The following NME8 variants were observed in gnomAD, a reference collection of about 807,000 sequenced individuals.
NME8 encodes the protein protein NME8.
NME8 carries 72 observed loss-of-function variants against 82.3 expected under a neutral mutation model. That is an observed-to-expected ratio of 0.87 (90% CI 0.72 to 1.06). The LOEUF (loss-of-function observed/expected upper bound fraction) is 1.06, where lower values mean the gene tolerates loss of function less well. Ranked by LOEUF, NME8 falls within the 50% of genes least tolerant of loss-of-function variation. The probability of loss-of-function intolerance (pLI) is 0.00; values close to 1 mark genes in which losing one functional copy is unlikely to be tolerated. For missense variants in NME8, 712 were observed against 685.4 expected, an observed-to-expected ratio of 1.04 and a Z score of -0.43; for synonymous variants, 267 against 228.5, an observed-to-expected ratio of 1.17 and a Z score of -1.52.
In NME8 at chr7:37,899,610, G is replaced by A. The variant is rs1785283312; in HGVS notation, c.*16-634G>A. Among the ~76,000 whole-genome samples the A allele has an allele frequency of 2.0e-5, 3 of 152,096 alleles. 1 individual carries two copies. Among genetic ancestry groups the A allele is most frequent in the African/African-American group, 7.2e-5 (3 of 41,504 alleles). ...CCTAGGTGATGGGATGATCTGTGCA[G>A]CAAACTACCATGGCACACATTTACC... On this transcript the variant is annotated intron_variant, in intron 17 of 17. Coordinates refer to ENST00000199447, the MANE Select transcript of NME8 (RefSeq NM_016616.5).
intron 12 of NME8, among the ~76,000 whole-genome samples, chr7:37,881,557 A>G (rs1178156167): frequency 6.6e-6 from 1 of 152,160 alleles, no homozygotes; most frequent in African/African-American, 2.4e-5. Context: ...TGAATGGTTA[A>G]TATTTTGTTA....
At chr7:37,878,858 T>C (rs889569993) in intron 12 of NME8, among the ~76,000 whole-genome samples, 2 of 152,156 alleles carry the variant, frequency 1.3e-5, no homozygotes, top group Non-Finnish European at 2.9e-5. Context: ...AATTAACCAA[T>C]ATTGTTAAAA....
intron 12 of NME8, among the ~76,000 whole-genome samples, chr7:37,880,710 A>G (rs1235600486): frequency 6.6e-6 from 1 of 152,134 alleles, no homozygotes; most frequent in African/African-American, 2.4e-5. Flanking sequence ...ATTGTGTTTA[A>G]TCTACAGACC....
In NME8 at chr7:37,897,064, G is replaced by A. The variant is rs1384811964; in HGVS notation, c.1739G>A (p.Arg580Lys). Residue 580 changes from arginine (R) to lysine (K), a missense_variant, in exon 17 of 18, where the codon AGA becomes AAA. Coordinates refer to ENST00000199447, the MANE Select transcript of NME8 (RefSeq NM_016616.5). Reference protein sequence around the residue: ...NAYEAKEVVNRLFEDPEEN With the variant: ...NAYEAKEVVNKLFEDPEEN ...TATGAAGCAAAAGAGGTTGTTAATA[G>A]ACTCTTTGAGGATCCTGAGGAAAAC... 3.1e-6 allele frequency: 5 copies of A among 1,612,904 alleles called. No individual in the cohort carries two copies. The highest frequency in any genetic ancestry group is 4.2e-6 in the Non-Finnish European group (5 of 1,178,958).
chr7:37,864,420 A>C lies in NME8; in HGVS notation c.527A>C (p.Lys176Thr). 1 of 1,572,348 alleles carries C rather than the reference A, an allele frequency of 6.4e-7. No individual in the cohort carries two copies. Among genetic ancestry groups the C allele is most frequent in the Non-Finnish European group, 8.7e-7 (1 of 1,147,450 alleles). Residue 176 changes from lysine to threonine, a missense_variant and splice_region_variant, in exon 9 of 18, where the codon AAA (lysine) becomes ACA (threonine). By Grantham distance (78) the Lys-to-Thr change is moderately conservative. Transcript: ENST00000199447. ...AAAAAAGTTCTAGAAATTAAAAGAA[A>C]AGTAAGTAATATTTTCCAACTATGA... Reference protein sequence around the residue: ...ISKKVLEIKRKITKAGFIIEA... With the variant: ...ISKKVLEIKRTITKAGFIIEA...
At chr7:37,898,489 C>A (rs1281929294) in intron 17 of NME8, among the ~76,000 whole-genome samples, 1 of 152,056 alleles carries the variant, frequency 6.6e-6, no homozygotes, top group African/African-American at 2.4e-5. Context: ...ATTAACAAAA[C>A]AATGAATAAA....
chr7:37,899,436 C>G (rs771752932), intron 17 of NME8, among the ~76,000 whole-genome samples: 2 of 152,132 alleles, frequency 1.3e-5, no homozygotes, highest in South Asian at 2.1e-4. Flanking sequence ...AACAGAAAAC[C>G]AAACACCGCA....
intron 5 of NME8, among the ~76,000 whole-genome samples, chr7:37,856,792 C>T (rs1218112536): frequency 6.6e-6 from 1 of 152,034 alleles, no homozygotes; most frequent in Admixed American, 6.6e-5. Flanking sequence ...GAGATACAAA[C>T]GTGGATAGGA....
At chr7:37,882,591 G>GAAAA (rs1372562444) in intron 12 of NME8, among the ~76,000 whole-genome samples, 5 of 75,628 alleles carry the variant, frequency 6.6e-5, no homozygotes, top group Non-Finnish European at 1.3e-4. Context: ...AAGAAAGAAA[G>GAAAA]AAAGAAAGAG....
chr7:37,858,014 T>C (rs535828085), intron 6 of NME8, among the ~76,000 whole-genome samples: 51 of 152,044 alleles, frequency 3.4e-4, no homozygotes, highest in Non-Finnish European at 5.7e-4. Flanking sequence ...CTGGCCAACA[T>C]AGGGAGACCA....
At chr7:37,881,003 T>C (rs544026905) in intron 12 of NME8, among the ~76,000 whole-genome samples, 23 of 152,294 alleles carry the variant, frequency 1.5e-4, no homozygotes, top group South Asian at 6.2e-4. Flanking sequence ...GCTATAATAG[T>C]CTCTTATCAG....
intron 8 of NME8, among the ~76,000 whole-genome samples, chr7:37,863,851 C>T (rs1361039711): frequency 1.3e-5 from 2 of 152,182 alleles, no homozygotes; most frequent in African/African-American, 4.8e-5. Context: ...AGATTATCTG[C>T]ATTGGGGTAG....
intron 6 of NME8, among the ~76,000 whole-genome samples, chr7:37,861,515 T>G (rs1217989948): frequency 1.3e-5 from 2 of 152,196 alleles, no homozygotes; most frequent in Non-Finnish European, 2.9e-5. Context: ...AGGTTGCTGT[T>G]TCACATGTTT....
chr7:37,878,821 G>A (rs2131961840), intron 12 of NME8, among the ~76,000 whole-genome samples: 1 of 152,222 alleles, frequency 6.6e-6, no homozygotes, highest in African/African-American at 2.4e-5. Context: ...TCAACATCAT[G>A]TATTACTGTG....
chr7:37,882,597 A>AAGAAAGAAAGAGAGAG (rs1554365622), intron 12 of NME8, among the ~76,000 whole-genome samples: 164 of 82,998 alleles, frequency 2.0e-3, no homozygotes, highest in Non-Finnish European at 3.0e-3. Context: ...GAAAGAAAGA[A>AAGAAAGAAAGAGAGAG]AGAGAGAGAG....
At chr7:37,860,835 T>G (rs1170930712) in intron 6 of NME8, among the ~76,000 whole-genome samples, 1 of 152,244 alleles carries the variant, frequency 6.6e-6, no homozygotes, top group Non-Finnish European at 1.5e-5. Flanking sequence ...CTATTGTCTC[T>G]GAATTTGGCA....
intron 12 of NME8, among the ~76,000 whole-genome samples, chr7:37,878,113 C>A (rs1489405146): frequency 1.3e-5 from 2 of 152,060 alleles, no homozygotes; most frequent in Admixed American, 6.6e-5. Context: ...CTGTGTATGT[C>A]CTTTATCAGA....
chr7:37,885,365 G>A (rs1436577806), intron 14 of NME8, 113 bp downstream of exon 14: 4 of 760,052 alleles, frequency 5.3e-6, no homozygotes, highest in Non-Finnish European at 9.3e-6. Flanking sequence ...TCTCAGGAAA[G>A]CTACCTTTCC....
At chr7:37,861,128 A>G (rs1329344275) in intron 6 of NME8, among the ~76,000 whole-genome samples, 1 of 152,154 alleles carries the variant, frequency 6.6e-6, no homozygotes, top group East Asian at 1.9e-4. Flanking sequence ...ATTTTTACAA[A>G]CAATTTTAAT....
Sources: gnomAD v4.1 joint callset for allele counts (sites outside exome capture counted in the v4.1 genomes callset) on GRCh38, gnomAD v4.1.1 for gene constraint, MANE v1.5 for transcripts, NCBI Gene and HGNC (gene_info 2026-07-23, HGNC 2026-07-21) for gene names.